Variants in LRMDA observed in about 807,000 individuals in gnomAD.
LRMDA encodes the protein leucine rich melanocyte differentiation associated.
Under a neutral mutation model 29.8 loss-of-function variants are expected in LRMDA, and 18 were observed. The ratio of observed to expected loss-of-function variants is 0.60; its 90% CI spans 0.42 to 0.90. LRMDA has a LOEUF of 0.90. LRMDA is among the 40% of genes least tolerant of loss of function. LRMDA has a pLI of 0.00. For missense variants in LRMDA, 273 were observed against 273.9 expected, an observed-to-expected ratio of 1.00 and a Z score of 0.02; for synonymous variants, 125 against 109.4, an observed-to-expected ratio of 1.14 and a Z score of -0.89.
At chr10:75,931,266 G>T (rs538971052) in intron 2 of LRMDA, among the ~76,000 whole-genome samples, 1 of 152,330 alleles carries the variant, frequency 6.6e-6, no homozygotes, top group African/African-American at 2.4e-5. Flanking sequence ...AGTGTCAGAA[G>T]TCAGTCAACT....
chr10:75,844,338 T>C (rs571450470), intron 2 of LRMDA, among the ~76,000 whole-genome samples: 3 of 152,316 alleles, frequency 2.0e-5, no homozygotes, highest in South Asian at 2.1e-4. Context: ...AGAACTATTA[T>C]GTTAAATTGT....
At chr10:76,290,277 C>T (rs1287135862) in intron 5 of LRMDA, among the ~76,000 whole-genome samples, 2 of 152,018 alleles carry the variant, frequency 1.3e-5, no homozygotes, top group Non-Finnish European at 2.9e-5. Flanking sequence ...CCAAAATGCT[C>T]AATTCTGAAA....
chr10:75,839,696 C>CTTTT (rs1844501274), intron 2 of LRMDA, among the ~76,000 whole-genome samples: 2 of 127,612 alleles, frequency 1.6e-5, no homozygotes, highest in African/African-American at 6.8e-5. Flanking sequence ...ATGCATCCGA[C>CTTTT]TTTCTTTTTT....
At chr10:75,558,019 A>C (rs1176974995) in intron 2 of LRMDA, among the ~76,000 whole-genome samples, 1 of 152,134 alleles carries the variant, frequency 6.6e-6, no homozygotes, top group Non-Finnish European at 1.5e-5. Flanking sequence ...TAGTTCTCTG[A>C]TGAGGGAAAG....
At chr10:75,497,391 T>G (rs1845058731) in intron 2 of LRMDA, among the ~76,000 whole-genome samples, 1 of 152,142 alleles carries the variant, frequency 6.6e-6, no homozygotes, top group African/African-American at 2.4e-5. Context: ...ACGCATTTCA[T>G]AGTAAGTTAC....
At chr10:76,469,374 C>G (rs1022442117) in intron 6 of LRMDA, among the ~76,000 whole-genome samples, 2 of 152,170 alleles carry the variant, frequency 1.3e-5, no homozygotes, top group Non-Finnish European at 2.9e-5. Context: ...CCACTCCCCC[C>G]AACTCAAATG....
rs571816890 is a variant in LRMDA at position 76,001,200 on chromosome 10, C to T, written c.132-34808C>T. Among the ~76,000 whole-genome samples, 327 of 152,248 alleles carry T rather than the reference C, an allele frequency of 2.1e-3. 3 individuals are homozygous for T. Among genetic ancestry groups the T allele is most frequent in the African/African-American group, 7.6e-3 (316 of 41,554 alleles). On this transcript the variant is annotated intron_variant, in intron 2 of 6. Transcript: ENST00000611255. Reference sequence around the variant, plus strand: ...GGCTTCCGGTTCCCCTGTCTGAGAACGCAGGTCAGTCATTTCATGCTGGGT... The same window carrying T: ...GGCTTCCGGTTCCCCTGTCTGAGAATGCAGGTCAGTCATTTCATGCTGGGT...
chr10:75,465,530 CAG>C (rs1450076836), intron 2 of LRMDA, among the ~76,000 whole-genome samples: 5 of 152,226 alleles, frequency 3.3e-5, no homozygotes, highest in South Asian at 2.1e-4. Flanking sequence ...GAATCTGAAA[CAG>C]AGAAAAATTT....
At chr10:75,814,205 C>G (rs1345694824) in intron 2 of LRMDA, among the ~76,000 whole-genome samples, 2 of 152,176 alleles carry the variant, frequency 1.3e-5, no homozygotes, top group Non-Finnish European at 2.9e-5. Context: ...AGTGGCTCAC[C>G]AAAGCAGGTA....
chr10:75,461,178 A>G (rs570120474), intron 2 of LRMDA, among the ~76,000 whole-genome samples: 4 of 152,332 alleles, frequency 2.6e-5, no homozygotes, highest in African/African-American at 9.6e-5. Context: ...GTAAACCTGT[A>G]TATTTGTTAT....
chr10:76,211,836 A>C (rs933832556), intron 5 of LRMDA, among the ~76,000 whole-genome samples: 1 of 152,216 alleles, frequency 6.6e-6, no homozygotes. Flanking sequence ...TAGCTAAGCT[A>C]AATGTCTTCA....
At chr10:75,807,640 T>C (rs886244283) in intron 2 of LRMDA, among the ~76,000 whole-genome samples, 1 of 152,182 alleles carries the variant, frequency 6.6e-6, no homozygotes, top group African/African-American at 2.4e-5. Flanking sequence ...TGACGAACAG[T>C]GGCCGAAAAT....
chr10:76,053,025 A>G (rs553405712), intron 4 of LRMDA, among the ~76,000 whole-genome samples: 1 of 152,306 alleles, frequency 6.6e-6, no homozygotes, highest in African/African-American at 2.4e-5. Context: ...GGATTTATAG[A>G]CGGGGGTTTC....
At chr10:75,832,436 T>C (rs1321344619) in intron 2 of LRMDA, among the ~76,000 whole-genome samples, 1 of 152,202 alleles carries the variant, frequency 6.6e-6, no homozygotes, top group African/African-American at 2.4e-5. Flanking sequence ...TCCATATCAT[T>C]ATCAGCATTT....
At chr10:75,925,369 CAT>C (rs900483495) in intron 2 of LRMDA, among the ~76,000 whole-genome samples, 136 of 152,262 alleles carry the variant, frequency 8.9e-4, no homozygotes, top group African/African-American at 3.1e-3. Context: ...AGACATACCA[CAT>C]GTTTACCACT....
At chr10:75,725,348 A>T (rs1842618878) in intron 2 of LRMDA, among the ~76,000 whole-genome samples, 1 of 152,240 alleles carries the variant, frequency 6.6e-6, no homozygotes, top group Non-Finnish European at 1.5e-5. Context: ...AGGCTGGGAC[A>T]GCAGAAGTGG....
At chr10:75,759,657 TTTG>T (rs1307713269) in intron 2 of LRMDA, among the ~76,000 whole-genome samples, 1 of 152,222 alleles carries the variant, frequency 6.6e-6, no homozygotes, top group African/African-American at 2.4e-5. Context: ...TAACACTCAC[TTTG>T]TTATGTGATA....
chr10:76,084,883 T>C (rs1849109318), intron 5 of LRMDA, among the ~76,000 whole-genome samples: 1 of 152,208 alleles, frequency 6.6e-6, no homozygotes, highest in South Asian at 2.1e-4. Flanking sequence ...AATTTACTTC[T>C]CTTAGGTCCT....
chr10:75,790,892 C>T (rs927915954), intron 2 of LRMDA, among the ~76,000 whole-genome samples: 1 of 152,186 alleles, frequency 6.6e-6, no homozygotes, highest in Non-Finnish European at 1.5e-5. Context: ...AGGTGGCTTT[C>T]GTTGTAATGG....
Sources: gnomAD v4.1 joint callset for allele counts (sites outside exome capture counted in the v4.1 genomes callset) on GRCh38, gnomAD v4.1.1 for gene constraint, MANE v1.5 for transcripts, NCBI Gene and HGNC (gene_info 2026-07-23, HGNC 2026-07-21) for gene names.